Variants in LEMD1 observed in about 807,000 individuals in gnomAD.
The protein encoded by LEMD1 is LEM domain-containing protein 1.
LEMD1 carries 18 observed loss-of-function variants against 17.4 expected under a neutral mutation model. The observed-to-expected ratio is 1.04, with a 90% confidence interval of 0.72 to 1.54. The LOEUF is 1.54. Ranked by LOEUF, LEMD1 falls within the 40% of genes most tolerant of loss-of-function variation. LEMD1 has a pLI of 0.00. For synonymous variants in LEMD1, 88 were observed against 77.8 expected (o/e 1.13, Z -0.69); for missense variants, 195 against 210.4 (o/e 0.93, Z 0.45).
At chr1:205,395,256 A>C (rs960305811) in intron 4 of LEMD1, among the ~76,000 whole-genome samples, 3 of 152,164 alleles carry the variant, frequency 2.0e-5, no homozygotes, top group African/African-American at 7.2e-5. Flanking sequence ...ATTCAACATG[A>C]CCACGTAAGA....
At chr1:205,411,256 G>A (rs1260498417) in intron 4 of LEMD1, among the ~76,000 whole-genome samples, 1 of 149,584 alleles carries the variant, frequency 6.7e-6, no homozygotes, top group East Asian at 2.1e-4. Flanking sequence ...AGGAAGGAAG[G>A]AAGGAAAAAG....
intron 1 of LEMD1, among the ~76,000 whole-genome samples, chr1:205,446,960 G>A (rs977540032): frequency 6.6e-6 from 1 of 152,222 alleles, no homozygotes. Context: ...GTGGGAAAAG[G>A]AAAACCAGTG....
chr1:205,419,486 G>T, intron 2 of LEMD1, 134 bp from the exon 3 acceptor site: 1 of 1,025,724 alleles, frequency 9.7e-7, no homozygotes, highest in Non-Finnish European at 1.4e-6. Flanking sequence ...TTTTATTTGA[G>T]ACAGGGTCTC....
At chr1:205,431,643 G>A (rs1016274625) in intron 1 of LEMD1, among the ~76,000 whole-genome samples, 1 of 152,168 alleles carries the variant, frequency 6.6e-6, no homozygotes, top group African/African-American at 2.4e-5. Flanking sequence ...AGACAAAGTC[G>A]CATGTCTGTC....
At chr1:205,394,986 C>CA (rs751367678) in intron 4 of LEMD1, among the ~76,000 whole-genome samples, 3,106 of 119,984 alleles carry the variant, frequency 0.026, 65 homozygotes, top group African/African-American at 0.06. Context: ...GACTCCTTCT[C>CA]AAAAAAAAAA....
At chr1:205,438,940 T>G (rs1666251366) in intron 1 of LEMD1, among the ~76,000 whole-genome samples, 1 of 152,210 alleles carries the variant, frequency 6.6e-6, no homozygotes, top group Admixed American at 6.5e-5. Flanking sequence ...CCCCAGGACG[T>G]ACTTTCTCCA....
intron 3 of LEMD1, among the ~76,000 whole-genome samples, chr1:205,417,794 C>T (rs181613565): frequency 6.7e-6 from 1 of 149,008 alleles, no homozygotes; most frequent in African/African-American, 2.5e-5. Context: ...TTAATTTGAA[C>T]TATATGATAT....
At chr1:205,422,798 G>C (rs1665998875), upstream of LEMD1, among the ~76,000 whole-genome samples, 1 of 152,188 alleles carries the variant, frequency 6.6e-6, no homozygotes, top group African/African-American at 2.4e-5. Context: ...TGATCTGAAA[G>C]GGGTGAAGAG....
chr1:205,404,768 C>T (rs939824000), intron 4 of LEMD1, among the ~76,000 whole-genome samples: 30 of 151,480 alleles, frequency 2.0e-4, no homozygotes, highest in African/African-American at 5.1e-4. Context: ...TTATTTTGCT[C>T]GTTAGTTGAT....
rs902145304 is a variant in LEMD1, at chr1:205,441,789, G to C, written c.-39+8079C>G. Among the ~76,000 whole-genome samples, 2 of 152,186 alleles carry C rather than the reference G, an allele frequency of 1.3e-5. No homozygotes were observed. The highest frequency in any genetic ancestry group is 2.9e-5 in the Non-Finnish European group (2 of 68,034). On this transcript the variant is annotated intron_variant, in intron 1 of 3. Coordinates refer to the LEMD1 transcript ENST00000367154. This position sits in a 1 kb window ranked among gnomAD's most constrained non-coding sequence, Gnocchi z 4.3. ...TGAGAGGTAGATACAAAAGGGTAAA[G>C]ACATGGTTTCTTCCCTGGCACATAA...
rs756190118 is a variant in LEMD1, at chr1:205,420,572, A to G, written c.-36T>C. 4.1e-6 allele frequency: 6 copies of G among 1,454,856 alleles called. No homozygotes were observed. The highest frequency in any genetic ancestry group is 1.7e-5 in the Admixed American group (1 of 59,672). The allele number at this position is 1,454,856 out of a possible 1,614,324, so 90.1% of individuals were successfully genotyped here. A position where few individuals can be genotyped will look rare whatever the true frequency, so the allele number is the denominator to read the frequency against. ...GTTTGGCCTCTTTTCTGATGGTAGA[A>G]TCCTTGAAATAACAAAACATTAAAT... is the stretch of plus-strand genomic sequence containing the variant. On this transcript the variant is annotated splice_region_variant and 5_prime_UTR_variant, in exon 2 of 6. Coordinates refer to ENST00000367153, the MANE Select transcript of LEMD1 (RefSeq NM_001199050.2).
upstream of LEMD1, among the ~76,000 whole-genome samples, chr1:205,422,909 C>T (rs1480599345): frequency 1.3e-5 from 2 of 152,204 alleles, no homozygotes; most frequent in Non-Finnish European, 2.9e-5. Context: ...GTGTCTCCTC[C>T]TCTTTGTCCA....
chr1:205,406,121 GTGCCTCCCAGTTA>G (rs1209150171), intron 4 of LEMD1, among the ~76,000 whole-genome samples: 4 of 152,350 alleles, frequency 2.6e-5, no homozygotes, highest in African/African-American at 9.6e-5. Flanking sequence ...CTACTGGGGG[GTGCCTCCCAGTTA>G]GGCTGCTCGG....
chr1:205,392,695 A>G (rs962292496), intron 4 of LEMD1, among the ~76,000 whole-genome samples: 5 of 152,156 alleles, frequency 3.3e-5, no homozygotes, highest in African/African-American at 1.2e-4. Context: ...AAAAATAAAC[A>G]GTGTCTCAGG....
intron 1 of LEMD1, among the ~76,000 whole-genome samples, chr1:205,433,853 C>T (rs1666164619): frequency 6.6e-6 from 1 of 151,698 alleles, no homozygotes; most frequent in East Asian, 1.9e-4. Flanking sequence ...CTGTGTGATA[C>T]TTGAGTCTCG....
At chr1:205,425,564 C>T (rs569941549), upstream of LEMD1, among the ~76,000 whole-genome samples, 125 of 152,292 alleles carry the variant, frequency 8.2e-4, no homozygotes, top group African/African-American at 2.9e-3. Flanking sequence ...GCACCTACTA[C>T]GTACCAGGCA....
intron 4 of LEMD1, among the ~76,000 whole-genome samples, chr1:205,390,109 C>T (rs1314401952): frequency 6.6e-6 from 1 of 152,140 alleles, no homozygotes; most frequent in Non-Finnish European, 1.5e-5. Flanking sequence ...AATTGCAGCA[C>T]TTTGGGAGGA....
chr1:205,402,146 A>G (rs1664882282), intron 4 of LEMD1, among the ~76,000 whole-genome samples: 2 of 152,144 alleles, frequency 1.3e-5, no homozygotes, highest in African/African-American at 4.8e-5. Flanking sequence ...TGATGCCTTC[A>G]GCTTTGTTCT....
chr1:205,440,913 C>A (rs1055813484), intron 1 of LEMD1: 1 of 152,312 alleles, frequency 6.6e-6, no homozygotes, highest in African/African-American at 2.4e-5. Flanking sequence ...GATGGAGGGG[C>A]CCTGGTTCTG....
Sources: allele counts gnomAD v4.1 joint callset (sites outside exome capture counted in the v4.1 genomes callset), GRCh38; gene constraint gnomAD v4.1.1; non-coding constraint Gnocchi (gnomAD v3.1); transcripts MANE v1.5; gene names NCBI Gene and HGNC (gene_info 2026-07-23, HGNC 2026-07-21).